CCDC85A: variants seen among roughly 807,000 people sequenced by gnomAD.
The protein encoded by CCDC85A is coiled-coil domain containing 85A.
CCDC85A carries 38 observed loss-of-function variants against 50.2 expected under a neutral mutation model. That is an observed-to-expected ratio of 0.76 (90% CI 0.58 to 0.99). The LOEUF is 0.99. Among genes scored for constraint, CCDC85A ranks in the 50% least tolerant of loss-of-function variants. The pLI, the probability that CCDC85A is intolerant of heterozygous loss-of-function variation, is 0.00. For synonymous variants in CCDC85A, 366 were observed against 301.4 expected (o/e 1.21, Z -2.22); for missense variants, 820 against 742.0 (o/e 1.11, Z -1.22).
At chr2:56,246,467 C>G (rs968087922) in intron 2 of CCDC85A, among the ~76,000 whole-genome samples, 2 of 151,034 alleles carry the variant, frequency 1.3e-5, no homozygotes, top group Non-Finnish European at 1.5e-5. Flanking sequence ...AAGATTTATG[C>G]CTATGTTTTC....
intron 2 of CCDC85A, among the ~76,000 whole-genome samples, chr2:56,213,047 T>G (rs940805211): frequency 1.3e-5 from 2 of 152,030 alleles, no homozygotes; most frequent in Non-Finnish European, 2.9e-5. Flanking sequence ...TCTCAGCAAC[T>G]TAGAAGTGAA....
intron 2 of CCDC85A, among the ~76,000 whole-genome samples, chr2:56,200,906 A>T (rs1034955150): frequency 7.2e-5 from 11 of 152,104 alleles, no homozygotes; most frequent in African/African-American, 2.4e-4. Context: ...TTACCGGATA[A>T]ATGAAACTTC....
intron 2 of CCDC85A, among the ~76,000 whole-genome samples, chr2:56,207,618 G>C (rs954481590): frequency 6.6e-6 from 1 of 152,120 alleles, no homozygotes; most frequent in Non-Finnish European, 1.5e-5. Flanking sequence ...TAATTTACAG[G>C]CATAGGGCTT....
At chr2:56,382,403 G>A (rs1013149727) in intron 5 of CCDC85A, among the ~76,000 whole-genome samples, 1 of 151,950 alleles carries the variant, frequency 6.6e-6, no homozygotes, top group African/African-American at 2.4e-5. Flanking sequence ...ACAGCGAAAA[G>A]GTTATTATTC....
In CCDC85A at chr2:56,184,216, C is replaced by A; in HGVS notation, c.-409C>A. On this transcript the variant is annotated 5_prime_UTR_variant, in exon 1 of 6. Coordinates refer to ENST00000407595, the MANE Select transcript of CCDC85A (RefSeq NM_001080433.2). ...GGGGAGGAAAGTGCGTGTGCGTGCA[C>A]GCCTGTGTGCAGGGCAGAGAGTGCG... 1 of 988,868 alleles carries A rather than the reference C, an allele frequency of 1.0e-6. No individual in the cohort carries two copies. The highest frequency in any genetic ancestry group is 1.2e-6 in the Non-Finnish European group (1 of 830,176). 61.3% of individuals were successfully genotyped at this position (988,868 alleles called of 1,614,324 possible). A position where few individuals can be genotyped will look rare whatever the true frequency, so the allele number is the denominator to read the frequency against.
At chr2:56,326,416 A>G (rs1272606317) in intron 2 of CCDC85A, among the ~76,000 whole-genome samples, 1 of 152,136 alleles carries the variant, frequency 6.6e-6, no homozygotes. Context: ...CAAATTGACT[A>G]GTCTGTTGTT....
intron 4 of CCDC85A, among the ~76,000 whole-genome samples, chr2:56,373,801 G>A (rs537628371): frequency 3.6e-4 from 55 of 152,282 alleles, no homozygotes; most frequent in African/African-American, 1.2e-3. Context: ...CTTTTGAAAA[G>A]CATTCATAAG....
intron 2 of CCDC85A, among the ~76,000 whole-genome samples, chr2:56,286,900 G>T (rs192869903): frequency 6.6e-6 from 1 of 152,282 alleles, no homozygotes; most frequent in Admixed American, 6.5e-5. Flanking sequence ...TCTTGATCCT[G>T]TTGGACTTGG....
intron 2 of CCDC85A, among the ~76,000 whole-genome samples, chr2:56,316,522 T>A (rs938018878): frequency 6.6e-6 from 1 of 152,126 alleles, no homozygotes; most frequent in Non-Finnish European, 1.5e-5. Context: ...AGCTCAGTGG[T>A]CAATTCTTTT....
At chr2:56,378,171 C>G (rs181351699) in intron 5 of CCDC85A, among the ~76,000 whole-genome samples, 106 of 152,148 alleles carry the variant, frequency 7.0e-4, no homozygotes, top group African/African-American at 2.5e-3. Context: ...TTTTTGAGAG[C>G]CAGCTGTCTA....
At chr2:56,292,762 A>AT (rs1234868287) in intron 2 of CCDC85A, among the ~76,000 whole-genome samples, 1 of 152,194 alleles carries the variant, frequency 6.6e-6, no homozygotes, top group Non-Finnish European at 1.5e-5. Flanking sequence ...TGTGGCTGTC[A>AT]TAGGGAAGGA....
intron 2 of CCDC85A, among the ~76,000 whole-genome samples, chr2:56,336,189 T>TGGG (rs1674063840): frequency 6.6e-6 from 1 of 151,938 alleles, no homozygotes; most frequent in African/African-American, 2.4e-5. Flanking sequence ...GTTTCACTCT[T>TGGG]GTCCCCCCAG....
At chr2:56,299,498 G>A (rs1198705090) in intron 2 of CCDC85A, among the ~76,000 whole-genome samples, 7 of 152,110 alleles carry the variant, frequency 4.6e-5, no homozygotes, top group African/African-American at 7.2e-5. Context: ...GAGCCCAGAC[G>A]TCTTTTGTTT....
chr2:56,363,042 T>C (rs1675611546), intron 3 of CCDC85A, among the ~76,000 whole-genome samples: 1 of 152,232 alleles, frequency 6.6e-6, no homozygotes, highest in African/African-American at 2.4e-5. Context: ...ACTTATCCTT[T>C]TGAATATGAT....
At chr2:56,226,710 C>T (rs560471994) in intron 2 of CCDC85A, among the ~76,000 whole-genome samples, 1 of 152,094 alleles carries the variant, frequency 6.6e-6, no homozygotes, top group South Asian at 2.1e-4. Flanking sequence ...GTAATGGCAA[C>T]CATTCCCCAG....
chr2:56,207,008 A>C (rs570249494), intron 2 of CCDC85A, among the ~76,000 whole-genome samples: 2 of 152,280 alleles, frequency 1.3e-5, no homozygotes, highest in Admixed American at 6.5e-5. Flanking sequence ...GGAGGCAGAA[A>C]TATTCTAAAT....
At chr2:56,232,132 T>C (rs1487527154) in intron 2 of CCDC85A, among the ~76,000 whole-genome samples, 1 of 152,102 alleles carries the variant, frequency 6.6e-6, no homozygotes, top group African/African-American at 2.4e-5. Context: ...TCTAACTTAA[T>C]ACAGATGACT....
At chr2:56,247,981 G>T (rs1269091662) in intron 2 of CCDC85A, among the ~76,000 whole-genome samples, 1 of 152,168 alleles carries the variant, frequency 6.6e-6, no homozygotes, top group Non-Finnish European at 1.5e-5. Context: ...ACAATGGGGA[G>T]CAGGGAGACT....
chr2:56,186,840 C>T (rs780675767), intron 1 of CCDC85A, among the ~76,000 whole-genome samples: 1 of 151,986 alleles, frequency 6.6e-6, no homozygotes, highest in Non-Finnish European at 1.5e-5. Flanking sequence ...GCTAAAGGCC[C>T]GTACACCCAA....
Sources: allele counts gnomAD v4.1 joint callset (sites outside exome capture counted in the v4.1 genomes callset), GRCh38; gene constraint gnomAD v4.1.1; transcripts MANE v1.5; gene names NCBI Gene and HGNC (gene_info 2026-07-23, HGNC 2026-07-21).